The following STON2 variants were observed in gnomAD, a reference collection of about 807,000 sequenced individuals.
The protein encoded by STON2 is stonin-2.
Under a neutral mutation model 65.7 loss-of-function variants are expected in STON2, and 29 were observed. The ratio of observed to expected loss-of-function variants is 0.44; its 90% confidence interval spans 0.33 to 0.60. The LOEUF (loss-of-function observed/expected upper bound fraction) is 0.60, where lower values mean the gene tolerates loss of function less well. STON2 is among the 20% of genes least tolerant of loss of function. The pLI is 0.03. For synonymous variants in STON2, 404 were observed against 414.2 expected (o/e 0.98, Z 0.30); for missense variants, 1,054 against 1,118.1 (o/e 0.94, Z 0.82).
At chr14:81,340,593 C>G (rs951699649) in intron 4 of STON2, among the ~76,000 whole-genome samples, 5 of 152,152 alleles carry the variant, frequency 3.3e-5, no homozygotes, top group Non-Finnish European at 5.9e-5. Flanking sequence ...TTTCCAGCCC[C>G]GCTGGCAGTA....
chr14:81,270,922 A>T, intron 6 of STON2, 50 bp from the exon 7 acceptor site: 2 of 1,585,698 alleles, frequency 1.3e-6, no homozygotes, highest in Non-Finnish European at 1.7e-6. Flanking sequence ...GAGAAAGTGG[A>T]AGGAGCAGCC....
Position 81,261,894 on chromosome 14 carries a change from C to G in STON2, c.*6520G>C, listed in dbSNP as rs1309053170. ...TAAATCTGTGTGTGGAAGGCAACTG[C>G]AATATAGAGGATTTGGAAGGTTGTC... On this transcript the variant is annotated 3_prime_UTR_variant, in exon 8 of 8. Transcript: ENST00000614646. The G allele has an allele frequency of 6.6e-7, 1 of 1,513,640 alleles. No individual in the cohort carries two copies. Among genetic ancestry groups the G allele is most frequent in the African/African-American group, 1.5e-5 (1 of 67,570 alleles). 93.8% of individuals were successfully genotyped at this position (1,513,640 alleles called of 1,614,324 possible).
intron 2 of STON2, among the ~76,000 whole-genome samples, chr14:81,424,428 A>G: frequency 6.6e-6 from 1 of 152,156 alleles, no homozygotes; most frequent in East Asian, 1.9e-4. Context: ...TGGATGACAA[A>G]GCAAGACACC....
Position 81,262,049 on chromosome 14 carries a change from A to C in STON2, c.*6365T>G. On this transcript the variant is annotated 3_prime_UTR_variant, in exon 8 of 8. Transcript: ENST00000614646. ...TTTCTTGGTTCTTATAAACATAGGA[A>C]GAGTCACTGAAAGGTGGCACCAATG... 7.6e-7 allele frequency: 1 copy of C among 1,322,900 alleles called. No individual in the cohort carries two copies. The highest frequency in any genetic ancestry group is 9.6e-7 in the Non-Finnish European group (1 of 1,040,390). The allele number at this position is 1,322,900 out of a possible 1,614,324, so 81.9% of individuals were successfully genotyped here.
rs1894225159 is a variant in STON2, at chr14:81,263,363, T to C, written c.*5051A>G. Among the ~76,000 whole-genome samples the C allele has an allele frequency of 6.6e-6, 1 of 151,938 alleles. No homozygotes were observed. Among genetic ancestry groups the C allele is most frequent in the Admixed American group, 6.6e-5 (1 of 15,258 alleles). ...AGACCAGCTGGCCAACATAATGAAA[T>C]CCCATCTCTACTAAAAATACAAAAA... On this transcript the variant is annotated 3_prime_UTR_variant, in exon 8 of 8. Transcript: ENST00000614646.
At position 81,396,018 on chromosome 14, in the gene STON2, G is replaced by A. The variant is rs148311461; in HGVS notation, c.249C>T (p.Ser83=). Residue 83 remains serine (S), a synonymous_variant, in exon 3 of 8, where the codon TCC becomes TCT. Transcript: ENST00000614646. The stretch of plus-strand genomic sequence containing the variant: ...GGGGCTGCTCAGGGCTCCCAGGTGG[G>A]GAAGCTGCTTCAGAGATGAGGCCCA... ...EKMGLISEAA[S]PPGSPEQPPP... 502 of 1,614,192 alleles carry A rather than the reference G, an allele frequency of 3.1e-4. 3 individuals carry two copies. In the Middle Eastern group the frequency reaches 3.6e-3, roughly 12 times the overall value.
chr14:81,388,191 G>A (rs371056215), intron 3 of STON2, among the ~76,000 whole-genome samples: 29 of 151,672 alleles, frequency 1.9e-4, no homozygotes, highest in African/African-American at 6.8e-4. Flanking sequence ...CTTGTGATCC[G>A]CCTGCCTTGG....
chr14:81,383,591 G>C (rs1899640892), intron 3 of STON2, among the ~76,000 whole-genome samples: 1 of 152,006 alleles, frequency 6.6e-6, no homozygotes. Flanking sequence ...ATTTTTGCTA[G>C]TCCTACCTTC....
At position 81,266,839 on chromosome 14, in the gene STON2, CACAA is replaced by C; in HGVS notation, c.*1571_*1574del. The stretch of plus-strand genomic sequence containing the variant: ...ATAAACACACACAAACACACACATC[CACAA>C]ACACACACTCCACTCTGTACTTAGA... On this transcript the variant is annotated 3_prime_UTR_variant, in exon 8 of 8. Coordinates refer to ENST00000614646, the MANE Select transcript of STON2 (RefSeq NM_001394390.1). 1.0e-6 allele frequency: 1 copy of C among 981,726 alleles called. No homozygotes were observed. 60.8% of individuals were successfully genotyped at this position (981,726 alleles called of 1,614,324 possible). A position where few individuals can be genotyped will look rare whatever the true frequency, so the allele number is the denominator to read the frequency against.
chr14:81,293,721 A>G (rs750476764), intron 5 of STON2, among the ~76,000 whole-genome samples: 1 of 152,118 alleles, frequency 6.6e-6, no homozygotes, highest in Admixed American at 6.5e-5. Flanking sequence ...CCATAATGTG[A>G]GTGACCCTTC....
At chr14:81,405,758 G>A (rs1900827807) in intron 2 of STON2, among the ~76,000 whole-genome samples, 1 of 152,114 alleles carries the variant, frequency 6.6e-6, no homozygotes, top group Admixed American at 6.5e-5. Flanking sequence ...TGTAGATCTT[G>A]ACAGGGTATG....
chr14:81,327,354 A>T (rs1897037646), intron 4 of STON2, among the ~76,000 whole-genome samples: 1 of 152,078 alleles, frequency 6.6e-6, no homozygotes, highest in African/African-American at 2.4e-5. Context: ...CTTCTTGAAG[A>T]ACCTGGTTCT....
chr14:81,410,307 A>C (rs892485824), intron 2 of STON2, among the ~76,000 whole-genome samples: 3 of 137,736 alleles, frequency 2.2e-5, no homozygotes, highest in Non-Finnish European at 3.0e-5. Flanking sequence ...AAAAAAAAAA[A>C]CAGAAGAGAT....
chr14:81,272,072 A>T (rs539418360), intron 6 of STON2, among the ~76,000 whole-genome samples: 76 of 152,218 alleles, frequency 5.0e-4, no homozygotes, highest in African/African-American at 1.8e-3. Context: ...AATACAAAAA[A>T]TTAGCCGGGC....
upstream of STON2, among the ~76,000 whole-genome samples, chr14:81,400,912 T>C (rs73341974): frequency 6.6e-6 from 1 of 152,288 alleles, no homozygotes; most frequent in African/African-American, 2.4e-5. Context: ...AACAAGATAA[T>C]GTACGCCAAG....
intron 4 of STON2, among the ~76,000 whole-genome samples, chr14:81,355,491 A>C (rs1481296452): frequency 6.6e-6 from 1 of 152,206 alleles, no homozygotes; most frequent in South Asian, 2.1e-4. Flanking sequence ...TGATATATTC[A>C]AAGTGCAGAA....
Position 81,265,903 on chromosome 14 carries a change from A to C in STON2, c.*2511T>G. 1.0e-6 allele frequency: 1 copy of C among 985,312 alleles called. No homozygotes were observed. Among genetic ancestry groups the C allele is most frequent in the African/African-American group, 1.7e-5 (1 of 57,320 alleles). 61.0% of individuals were successfully genotyped at this position (985,312 alleles called of 1,614,324 possible). On this transcript the variant is annotated 3_prime_UTR_variant, in exon 8 of 8. Coordinates refer to ENST00000614646, the MANE Select transcript of STON2 (RefSeq NM_001394390.1). ...ACAGAGTGCTAAGCGTGAGTGACTA[A>C]GGAAGGTGCTGGGATGAGCTTCATT...
At chr14:81,407,416 T>C (rs1453612264) in intron 2 of STON2, among the ~76,000 whole-genome samples, 3 of 152,252 alleles carry the variant, frequency 2.0e-5, no homozygotes, top group South Asian at 4.1e-4. Context: ...TGATTTATTT[T>C]GTTAGGTTAG....
upstream of STON2, among the ~76,000 whole-genome samples, chr14:81,403,841 A>C (rs1900719526): frequency 6.6e-6 from 1 of 152,284 alleles, no homozygotes; most frequent in Admixed American, 6.5e-5. Context: ...CTCAACTTCC[A>C]ATAAGTAAAG....
Sources: gnomAD v4.1 joint callset for allele counts (sites outside exome capture counted in the v4.1 genomes callset) on GRCh38, gnomAD v4.1.1 for gene constraint, MANE v1.5 for transcripts, NCBI Gene and HGNC (gene_info 2026-07-23, HGNC 2026-07-21) for gene names.